The following MRTFB variants were observed in gnomAD, a reference collection of about 807,000 sequenced individuals.
MRTFB encodes myocardin-related transcription factor B.
MRTFB carries 29 observed loss-of-function variants against 104.2 expected under a neutral mutation model. That is an observed-to-expected ratio of 0.28 (90% confidence interval 0.21 to 0.38). MRTFB has a LOEUF of 0.38. Ranked by LOEUF, MRTFB falls within the 10% of genes least tolerant of loss-of-function variation. The pLI is 1.00. For synonymous variants in MRTFB, 535 were observed against 519.5 expected (o/e 1.03, Z -0.41); for missense variants, 1,270 against 1,341.6 (o/e 0.95, Z 0.83).
the MRTFB span, among the ~76,000 whole-genome samples, chr16:14,039,179 C>T: frequency 6.6e-6 from 1 of 152,198 alleles, no homozygotes; most frequent in African/African-American, 2.4e-5. Context: ...GTGGATCCAC[C>T]TTTCAGGTGG....
chr16:14,055,476 T>A, the MRTFB span, among the ~76,000 whole-genome samples: 1 of 152,226 alleles, frequency 6.6e-6, no homozygotes, highest in Non-Finnish European at 1.5e-5. Context: ...CCACATTACA[T>A]TTAGCCATCA....
At chr16:14,202,772 A>G (rs984795107) in intron 3 of MRTFB, among the ~76,000 whole-genome samples, 5 of 152,180 alleles carry the variant, frequency 3.3e-5, no homozygotes, top group Admixed American at 6.5e-5. Context: ...AACAAGTGCA[A>G]TTCTACATTT....
At chr16:14,125,606 C>T (rs2037069437) in intron 2 of MRTFB, among the ~76,000 whole-genome samples, 2 of 152,302 alleles carry the variant, frequency 1.3e-5, no homozygotes, top group Admixed American at 6.5e-5. Flanking sequence ...ATTTTGTAAA[C>T]ATATTGTTTC....
At position 14,071,353 on chromosome 16, in the gene MRTFB, G is replaced by C. The variant is rs1196090079; in HGVS notation, c.-141G>C. The C allele has an allele frequency of 3.0e-5, 5 of 167,298 alleles. No individual in the cohort carries two copies. Among genetic ancestry groups the C allele is most frequent in the Non-Finnish European group, 1.2e-5 (1 of 80,758 alleles). The allele number at this position is 167,298 out of a possible 1,614,324, so 10.4% of individuals were successfully genotyped here. On this transcript the variant is annotated 5_prime_UTR_variant, in exon 1 of 17. Coordinates refer to ENST00000571589, the MANE Select transcript of MRTFB (RefSeq NM_001308142.2). ...CGGCGGCGGCGGGAGCGGCGGCGGCGGCGGCCGGGGAGGTGAGCGGCGGGC... is the reference window on the plus strand; with the variant it reads ...CGGCGGCGGCGGGAGCGGCGGCGGCCGCGGCCGGGGAGGTGAGCGGCGGGC...
rs753466233 is a variant in MRTFB, at chr16:14,246,533, G to A, written c.1273G>A (p.Asp425Asn). The change falls in exon 12 of 17, where the codon GAC becomes AAC. Residue 425 changes from aspartate to asparagine, a missense_variant. Coordinates refer to ENST00000571589, the MANE Select transcript of MRTFB (RefSeq NM_001308142.2). ...TCTGCCAGTGTCAGGCACCAAACCG[G>A]ACCTCATTGAGCGCCTAAAACCCTA... ...RGLPVSGTKP[D>N]LIERLKPYQE... The A allele has an allele frequency of 6.8e-6, 11 of 1,614,140 alleles. No individual in the cohort carries two copies. The highest frequency in any genetic ancestry group is 9.3e-6 in the Non-Finnish European group (11 of 1,180,036).
the MRTFB span, among the ~76,000 whole-genome samples, chr16:14,028,206 C>CAACACAACAAAACAA: frequency 3.3e-5 from 5 of 151,196 alleles, no homozygotes; most frequent in Non-Finnish European, 4.4e-5. Context: ...AAACACAACA[C>CAACACAACAAAACAA]AACAAAACAA....
intron 2 of MRTFB, among the ~76,000 whole-genome samples, chr16:14,100,708 T>C (rs891515655): frequency 2.0e-5 from 3 of 152,242 alleles, no homozygotes; most frequent in African/African-American, 7.2e-5. Flanking sequence ...TTGGATCTAA[T>C]GTTTTCTTTG....
rs2043199678 is a variant in MRTFB at position 14,250,253 on chromosome 16, T to A, written c.2403+1172T>A. ...TCATCACCATGGAGATTGTACTGTTTGAGGTATATACACATAGACTTTCCT... is the reference window on the plus strand; with the variant it reads ...TCATCACCATGGAGATTGTACTGTTAGAGGTATATACACATAGACTTTCCT... On this transcript the variant is annotated intron_variant, in intron 13 of 16. Transcript: ENST00000571589. Among the ~76,000 whole-genome samples, 3 of 152,208 alleles carry A rather than the reference T, an allele frequency of 2.0e-5. No individual in the cohort carries two copies. In the South Asian group the frequency reaches 6.2e-4, roughly 32 times the overall value.
rs1338953771 is a variant in MRTFB at position 14,264,575 on chromosome 16, T to A, written c.*3131T>A. ...GGAATTTCTTGCTTAGATACTATTG[T>A]GTTTGTTTCATATGAATATTTTTGT... On this transcript the variant is annotated 3_prime_UTR_variant, in exon 17 of 17. Transcript: ENST00000571589. The A allele has an allele frequency of 6.6e-6, 1 of 152,250 alleles. No homozygotes were observed. Among genetic ancestry groups the A allele is most frequent in the Non-Finnish European group, 1.5e-5 (1 of 68,050 alleles). The allele number at this position is 152,250 out of a possible 1,614,324, so 9.4% of individuals were successfully genotyped here. A position where few individuals can be genotyped will look rare whatever the true frequency, so the allele number is the denominator to read the frequency against.
chr16:14,222,995 A>ACAT (rs1169746851), intron 8 of MRTFB, among the ~76,000 whole-genome samples: 7 of 151,540 alleles, frequency 4.6e-5, no homozygotes, highest in African/African-American at 1.7e-4. Flanking sequence ...AGTCTGGGCA[A>ACAT]CATAGCAAAA....
intron 3 of MRTFB, among the ~76,000 whole-genome samples, chr16:14,202,419 T>C (rs1288170453): frequency 6.6e-6 from 1 of 152,218 alleles, no homozygotes; most frequent in Non-Finnish European, 1.5e-5. Flanking sequence ...ACAGGGATTC[T>C]TAAATCAAGA....
Position 14,096,752 on chromosome 16 carries a change from C to T in MRTFB, c.-64+17398C>T, listed in dbSNP as rs183964997. ...TGGTACAGAATGTTGTCTTTGATAC[C>T]AACCTTTAGATAATTTACTTAAAAC... is the stretch of plus-strand genomic sequence containing the variant. On this transcript the variant is annotated intron_variant, in intron 2 of 16. Coordinates refer to ENST00000571589, the MANE Select transcript of MRTFB (RefSeq NM_001308142.2). Among the ~76,000 whole-genome samples, 13 of 152,254 alleles carry T rather than the reference C, an allele frequency of 8.5e-5. No homozygotes were observed. The East Asian group carries it at 2.3e-3, about 27-fold the overall frequency.
intron 2 of MRTFB, among the ~76,000 whole-genome samples, chr16:14,091,919 C>T (rs560686399): frequency 1.0e-4 from 15 of 149,710 alleles, no homozygotes; most frequent in East Asian, 5.9e-4. Context: ...TGCTTGAACC[C>T]GGGAGGCGGA....
the MRTFB span, among the ~76,000 whole-genome samples, chr16:14,051,171 G>A: frequency 4.0e-5 from 6 of 151,570 alleles, no homozygotes; most frequent in African/African-American, 1.5e-4. Context: ...AGTACACACA[G>A]ACTCAGAGAC....
At chr16:14,023,598 C>CATAT in the MRTFB span, among the ~76,000 whole-genome samples, 26 of 89,162 alleles carry the variant, frequency 2.9e-4, no homozygotes, top group African/African-American at 1.1e-3. Context: ...CACACACACA[C>CATAT]ACACACACAC....
chr16:14,266,749 C>T lies in MRTFB; in HGVS notation c.*5305C>T, dbSNP rs924519533. The T allele has an allele frequency of 2.0e-5, 3 of 152,150 alleles. No homozygotes were observed. The highest frequency in any genetic ancestry group is 7.2e-5 in the African/African-American group (3 of 41,414). 9.4% of individuals were successfully genotyped at this position (152,150 alleles called of 1,614,324 possible). On this transcript the variant is annotated 3_prime_UTR_variant, in exon 17 of 17. Transcript: ENST00000571589. ...TCTCAGCAATTTTGCATTTTTGTGT[C>T]TCAAATAAAAGACATTTTGATGTAC...
chr16:14,036,465 T>A, the MRTFB span, among the ~76,000 whole-genome samples: 1 of 148,030 alleles, frequency 6.8e-6, no homozygotes, highest in Non-Finnish European at 1.5e-5. Flanking sequence ...ACCATATATA[T>A]GTTGAAATAT....
At chr16:14,025,592 T>C in the MRTFB span, among the ~76,000 whole-genome samples, 1 of 152,182 alleles carries the variant, frequency 6.6e-6, no homozygotes, top group East Asian at 1.9e-4. Flanking sequence ...TGCTCCTGGC[T>C]ACTGCTCCTG....
At chr16:14,075,406 A>G (rs1175878447) in intron 1 of MRTFB, among the ~76,000 whole-genome samples, 2 of 152,234 alleles carry the variant, frequency 1.3e-5, no homozygotes, top group African/African-American at 2.4e-5. Flanking sequence ...CTCCAGACCA[A>G]CTGGACCAGA....
Sources: allele counts gnomAD v4.1 joint callset (sites outside exome capture counted in the v4.1 genomes callset), GRCh38; gene constraint gnomAD v4.1.1; transcripts MANE v1.5; gene names NCBI Gene and HGNC (gene_info 2026-07-23, HGNC 2026-07-21).